Variants in PDE3B observed in about 807,000 individuals in gnomAD.
PDE3B encodes the protein phosphodiesterase 3B.
In PDE3B, 66 loss-of-function variants were observed where a neutral mutation model predicts 116.8. That is an observed-to-expected ratio of 0.56 (90% CI 0.46 to 0.69). The LOEUF (loss-of-function observed/expected upper bound fraction) is 0.69, where lower values mean the gene tolerates loss of function less well. Among genes scored for constraint, PDE3B ranks in the 30% least tolerant of loss-of-function variants. The pLI, the probability that PDE3B is intolerant of heterozygous loss-of-function variation, is 0.00. For synonymous variants in PDE3B, 595 were observed against 533.6 expected (o/e 1.12, Z -1.59); for missense variants, 1,384 against 1,368.1 (o/e 1.01, Z -0.18).
At chr11:14,876,099 T>C (rs1848185823), downstream of PDE3B, among the ~76,000 whole-genome samples, 1 of 152,180 alleles carries the variant, frequency 6.6e-6, no homozygotes, top group Non-Finnish European at 1.5e-5. Context: ...TAAAACTACC[T>C]TAAAGTTCAA....
chr11:14,791,441 C>T (rs1858387805), intron 4 of PDE3B, among the ~76,000 whole-genome samples: 1 of 152,100 alleles, frequency 6.6e-6, no homozygotes, highest in African/African-American at 2.4e-5. Context: ...TTTCCCCGCA[C>T]AATGCTGCTA....
At chr11:14,783,537 C>T (rs1235111195) in intron 2 of PDE3B, among the ~76,000 whole-genome samples, 1 of 152,010 alleles carries the variant, frequency 6.6e-6, no homozygotes, top group Admixed American at 6.6e-5. Flanking sequence ...CATGTTCTTA[C>T]TCATAGGTGG....
chr11:14,878,973 T>C, the PDE3B span: 207 of 712,102 alleles, frequency 2.9e-4, no homozygotes, highest in African/African-American at 3.3e-3. Context: ...ATTTAATCAT[T>C]CTCTCCTGTT....
chr11:14,852,514 T>G (rs536596599), intron 12 of PDE3B, among the ~76,000 whole-genome samples: 2 of 152,376 alleles, frequency 1.3e-5, no homozygotes, highest in South Asian at 4.1e-4. Flanking sequence ...ATTGTTGTCC[T>G]AATCAAAATA....
chr11:14,645,117 G>A lies in PDE3B; in HGVS notation c.978+64G>A. The A allele has an allele frequency of 3.7e-6, 4 of 1,071,984 alleles. No homozygotes were observed. In the South Asian group the frequency reaches 7.0e-5, roughly 19 times the overall value. The allele number at this position is 1,071,984 out of a possible 1,614,324, so 66.4% of individuals were successfully genotyped here. A position where few individuals can be genotyped will look rare whatever the true frequency, so the allele number is the denominator to read the frequency against. ...GTTCGGGTTTACCGCTGCAGTTTCC[G>A]AGTTGAATTCGCTTATTTCAAAGCA... On this transcript the variant is annotated intron_variant, in intron 1 of 15. Transcript: ENST00000282096.
the PDE3B span, chr11:14,891,214 T>G: frequency 4.1e-6 from 4 of 985,230 alleles, no homozygotes; most frequent in Non-Finnish European, 4.8e-6. Flanking sequence ...TGCTTTCCCC[T>G]CCGCAGAATG....
At chr11:14,744,186 T>C (rs1207892386) in intron 1 of PDE3B, among the ~76,000 whole-genome samples, 2 of 152,264 alleles carry the variant, frequency 1.3e-5, no homozygotes, top group African/African-American at 4.8e-5. Context: ...ACTGTAGCTT[T>C]TATAATCAGT....
chr11:14,784,446 G>A (rs557533400), intron 2 of PDE3B, among the ~76,000 whole-genome samples: 1 of 152,172 alleles, frequency 6.6e-6, no homozygotes, highest in African/African-American at 2.4e-5. Flanking sequence ...TTCACTCAAA[G>A]TGGTAAAATG....
intron 1 of PDE3B, among the ~76,000 whole-genome samples, chr11:14,688,924 C>G (rs550003731): frequency 3.4e-4 from 52 of 152,248 alleles, no homozygotes; most frequent in Non-Finnish European, 6.6e-4. Context: ...AGGTGCCCAC[C>G]ACCATGCCTG....
intron 1 of PDE3B, among the ~76,000 whole-genome samples, chr11:14,690,203 G>A (rs1198629468): frequency 3.3e-5 from 5 of 152,114 alleles, no homozygotes; most frequent in African/African-American, 7.2e-5. Flanking sequence ...TGAAATACAC[G>A]GGGCCAGAAG....
At chr11:14,665,183 T>A (rs200162249) in intron 1 of PDE3B, among the ~76,000 whole-genome samples, 2 of 152,326 alleles carry the variant, frequency 1.3e-5, no homozygotes, top group South Asian at 4.1e-4. Context: ...ATTATCTCAA[T>A]AGATGCAGAA....
At chr11:14,842,784 G>A (rs975019473) in intron 11 of PDE3B, among the ~76,000 whole-genome samples, 2 of 152,134 alleles carry the variant, frequency 1.3e-5, no homozygotes, top group Non-Finnish European at 2.9e-5. Context: ...AAATGCTCTA[G>A]TGTGGGCTAT....
chr11:14,674,039 C>T, intron 1 of PDE3B: 4 of 1,498,808 alleles, frequency 2.7e-6, no homozygotes, highest in Non-Finnish European at 3.7e-6. Flanking sequence ...GTAATTAAGT[C>T]CCAGTCATCA....
intron 1 of PDE3B, among the ~76,000 whole-genome samples, chr11:14,670,252 T>G (rs1442088554): frequency 6.6e-6 from 1 of 152,166 alleles, no homozygotes; most frequent in Non-Finnish European, 1.5e-5. Flanking sequence ...ACCGGCTCAG[T>G]TTTCTCATTT....
downstream of PDE3B, among the ~76,000 whole-genome samples, chr11:14,876,320 C>T (rs1848188761): frequency 6.6e-6 from 1 of 151,982 alleles, no homozygotes; most frequent in Non-Finnish European, 1.5e-5. Context: ...AGTTCAAGAC[C>T]AGCCTGGACA....
intron 1 of PDE3B, among the ~76,000 whole-genome samples, chr11:14,765,348 C>T (rs1857469785): frequency 6.6e-6 from 1 of 151,952 alleles, no homozygotes; most frequent in Middle Eastern, 3.4e-3. Flanking sequence ...GTAATTGAAC[C>T]TGATAACATC....
chr11:14,644,074 C>A lies in PDE3B; in HGVS notation c.-2C>A. The A allele has an allele frequency of 6.6e-7, 1 of 1,526,334 alleles. No individual in the cohort carries two copies. The highest frequency in any genetic ancestry group is 1.2e-5 in the South Asian group (1 of 82,678). The allele number at this position is 1,526,334 out of a possible 1,614,324, so 94.5% of individuals were successfully genotyped here. On this transcript the variant is annotated 5_prime_UTR_variant, in exon 1 of 16. Coordinates refer to ENST00000282096, the MANE Select transcript of PDE3B (RefSeq NM_000922.4). ...GTCCCGTGGCCACCCCCGGCCCCAGCCATGAGGAGGGACGAGCGAGACGCC... is the reference window on the plus strand; with the variant it reads ...GTCCCGTGGCCACCCCCGGCCCCAGACATGAGGAGGGACGAGCGAGACGCC...
chr11:14,839,870 T>G (rs1208221921), intron 11 of PDE3B, among the ~76,000 whole-genome samples: 1 of 152,010 alleles, frequency 6.6e-6, no homozygotes, highest in African/African-American at 2.4e-5. Context: ...ATGAGAAAAA[T>G]TGCTAAAAAA....
intron 1 of PDE3B, 34 bp downstream of exon 1, chr11:14,645,087 A>G: frequency 7.2e-7 from 1 of 1,387,632 alleles, no homozygotes; most frequent in Non-Finnish European, 9.5e-7. Flanking sequence ...CTGGGACGCG[A>G]GCGGGTTCGG....
Sources: allele counts gnomAD v4.1 joint callset (sites outside exome capture counted in the v4.1 genomes callset), GRCh38; gene constraint gnomAD v4.1.1; transcripts MANE v1.5; gene names NCBI Gene and HGNC (gene_info 2026-07-23, HGNC 2026-07-21).